Variants in POU6F2 observed in about 807,000 individuals in gnomAD.
POU6F2 encodes the protein POU domain, class 6, transcription factor 2.
POU6F2 carries 31 observed loss-of-function variants against 71.3 expected under a neutral mutation model. The ratio of observed to expected loss-of-function variants is 0.43; its 90% confidence interval spans 0.33 to 0.59. POU6F2 has a LOEUF of 0.59. POU6F2 is among the 20% of genes least tolerant of loss of function. The pLI is 0.04. For synonymous variants in POU6F2, 347 were observed against 355.7 expected (o/e 0.98, Z 0.27); for missense variants, 783 against 856.8 (o/e 0.91, Z 1.07).
intron 2 of POU6F2, among the ~76,000 whole-genome samples, chr7:39,159,294 G>GA (rs1236176512): frequency 1.3e-5 from 2 of 152,156 alleles, no homozygotes; most frequent in Non-Finnish European, 2.9e-5. Context: ...TTCATTGGCA[G>GA]TTTATAATTA....
chr7:39,140,800 C>G (rs1275882544), intron 2 of POU6F2, among the ~76,000 whole-genome samples: 2 of 152,156 alleles, frequency 1.3e-5, no homozygotes, highest in African/African-American at 4.8e-5. Flanking sequence ...ATGGAAAGAT[C>G]TCGAAAGATC....
At chr7:39,121,936 T>G (rs902463644) in intron 2 of POU6F2, among the ~76,000 whole-genome samples, 2 of 152,204 alleles carry the variant, frequency 1.3e-5, no homozygotes, top group Admixed American at 6.5e-5. Flanking sequence ...TGACATCAAA[T>G]GATCCACCCG....
At chr7:39,217,768 A>G (rs1562751075) in intron 4 of POU6F2, among the ~76,000 whole-genome samples, 1 of 152,172 alleles carries the variant, frequency 6.6e-6, no homozygotes, top group Admixed American at 6.6e-5. Context: ...AAACCTCTGT[A>G]TCTCTGAGGC....
chr7:39,464,141 G>A lies in POU6F2; in HGVS notation c.1659-41G>A. On this transcript the variant is annotated intron_variant, in intron 9 of 9. Coordinates refer to ENST00000518318, the MANE Select transcript of POU6F2 (RefSeq NM_001370959.1). The surrounding 1 kb of genome is among the most constrained non-coding windows in gnomAD (Gnocchi z 4.1). ...AGGCAGGAGGCCCACCCTGGCAGAG[G>A]ACTCAGTGTAAGACTGTTCTTTCTC... 1.3e-6 allele frequency: 2 copies of A among 1,579,306 alleles called. No individual in the cohort carries two copies. The highest frequency in any genetic ancestry group is 1.7e-6 in the Non-Finnish European group (2 of 1,159,372).
At chr7:39,229,892 A>G (rs1794543089) in intron 4 of POU6F2, among the ~76,000 whole-genome samples, 1 of 152,214 alleles carries the variant, frequency 6.6e-6, no homozygotes, top group Non-Finnish European at 1.5e-5. Context: ...CATGCAGCTC[A>G]CGTTTATTGA....
chr7:39,056,578 T>C (rs1489698187), intron 1 of POU6F2, among the ~76,000 whole-genome samples: 1 of 152,024 alleles, frequency 6.6e-6, no homozygotes, highest in Non-Finnish European at 1.5e-5. Flanking sequence ...CTCTAAAAAC[T>C]CAGGACTTCC....
chr7:39,433,289 T>C lies in POU6F2; in HGVS notation c.1320+6T>C, dbSNP rs1788155345. On this transcript the variant is annotated splice_donor_region_variant and intron_variant, in intron 7 of 9. Transcript: ENST00000518318. ...CCATCAAGCCCGGCCAGCAGGTAAA[T>C]GTTCCAGGCCAAGGCAGCCATGGCA... 1 of 1,613,798 alleles carries C rather than the reference T, an allele frequency of 6.2e-7. No homozygotes were observed. The highest frequency in any genetic ancestry group is 1.3e-5 in the African/African-American group (1 of 74,920).
chr7:39,248,979 T>G (rs937989617), intron 4 of POU6F2, among the ~76,000 whole-genome samples: 4 of 152,152 alleles, frequency 2.6e-5, no homozygotes, highest in African/African-American at 7.2e-5. Flanking sequence ...CAGGCCACAG[T>G]TTAACTGCCA....
chr7:39,462,955 A>G lies in POU6F2; in HGVS notation c.1659-1227A>G, dbSNP rs1033238143. ...AGCCTATCCTTTTCTGTCCTTTTGC[A>G]AGCATCCTTACAAAACATATTCTGA... On this transcript the variant is annotated intron_variant, in intron 9 of 9. Coordinates refer to ENST00000518318, the MANE Select transcript of POU6F2 (RefSeq NM_001370959.1). 2.6e-5 allele frequency among the ~76,000 whole-genome samples: 4 copies of G among 152,232 alleles called. No homozygotes were observed. The East Asian group carries it at 5.8e-4, about 22-fold the overall frequency.
At chr7:39,293,086 C>A (rs1169183598) in intron 4 of POU6F2, among the ~76,000 whole-genome samples, 1 of 152,168 alleles carries the variant, frequency 6.6e-6, no homozygotes, top group Non-Finnish European at 1.5e-5. Context: ...TGACACCTTT[C>A]TCGGTAAGCA....
intron 4 of POU6F2, among the ~76,000 whole-genome samples, chr7:39,327,831 T>C (rs938201302): frequency 6.6e-6 from 1 of 151,128 alleles, no homozygotes; most frequent in Non-Finnish European, 1.5e-5. Flanking sequence ...ATTAGTTCCA[T>C]ATATGTATGC....
intron 2 of POU6F2, among the ~76,000 whole-genome samples, chr7:39,088,752 GT>G (rs953377052): frequency 6.6e-6 from 1 of 152,120 alleles, no homozygotes; most frequent in Admixed American, 6.6e-5. Context: ...AGAGCTCAGG[GT>G]TTTTTTATTG....
At chr7:39,252,000 A>T (rs1783929125) in intron 4 of POU6F2, among the ~76,000 whole-genome samples, 1 of 152,126 alleles carries the variant, frequency 6.6e-6, no homozygotes, top group Non-Finnish European at 1.5e-5. Context: ...GTTGCCTCTG[A>T]TCCATCCCTG....
chr7:39,019,067 C>T (rs1239895043), intron 1 of POU6F2, among the ~76,000 whole-genome samples: 4 of 152,122 alleles, frequency 2.6e-5, no homozygotes, highest in Non-Finnish European at 4.4e-5. Flanking sequence ...ATATTTTCCT[C>T]ATTCCTACAT....
intron 1 of POU6F2, among the ~76,000 whole-genome samples, chr7:39,004,225 CT>C (rs1788992574): frequency 6.6e-6 from 1 of 152,162 alleles, no homozygotes; most frequent in African/African-American, 2.4e-5. Flanking sequence ...TTCTTATATG[CT>C]GTTTAAACTT....
Position 39,273,685 on chromosome 7 carries a change from T to G in POU6F2, c.599-65957T>G, listed in dbSNP as rs201135500. Among the ~76,000 whole-genome samples the G allele has an allele frequency of 1.1e-4, 16 of 152,132 alleles. No individual in the cohort carries two copies. The East Asian group carries it at 1.7e-3, about 17-fold the overall frequency. On this transcript the variant is annotated intron_variant, in intron 4 of 9. Coordinates refer to ENST00000518318, the MANE Select transcript of POU6F2 (RefSeq NM_001370959.1). The stretch of plus-strand genomic sequence containing the variant: ...AGACTAGAGGTTTCTTGGTTTGTTT[T>G]TTTTTTTAAAGAGTATCATCGGGGA...
chr7:39,306,523 A>G (rs967979022), intron 4 of POU6F2, among the ~76,000 whole-genome samples: 1 of 152,130 alleles, frequency 6.6e-6, no homozygotes, highest in African/African-American at 2.4e-5. Flanking sequence ...CCACTATTAC[A>G]TCACTAACAA....
At chr7:39,171,081 T>G (rs948629852) in intron 2 of POU6F2, among the ~76,000 whole-genome samples, 1 of 149,956 alleles carries the variant, frequency 6.7e-6, no homozygotes, top group Admixed American at 6.7e-5. Flanking sequence ...CGTGCAGGTT[T>G]GTTACATAGG....
intron 5 of POU6F2, chr7:39,373,445 T>C: frequency 2.2e-6 from 1 of 456,704 alleles, no homozygotes; most frequent in Non-Finnish European, 4.4e-6. Flanking sequence ...AGCCCAGCAA[T>C]CAAAATCATA....
Sources: allele counts gnomAD v4.1 joint callset (sites outside exome capture counted in the v4.1 genomes callset), GRCh38; gene constraint gnomAD v4.1.1; non-coding constraint Gnocchi (gnomAD v3.1); transcripts MANE v1.5; gene names NCBI Gene and HGNC (gene_info 2026-07-23, HGNC 2026-07-21).